The following CKAP5 variants were observed in gnomAD, a reference collection of about 807,000 sequenced individuals.
The protein encoded by CKAP5 is cytoskeleton associated protein 5.
CKAP5 carries 27 observed loss-of-function variants against 232.8 expected under a neutral mutation model. The observed-to-expected ratio is 0.12, with a 90% CI of 0.09 to 0.16. The LOEUF is 0.16. CKAP5 is among the 10% of genes least tolerant of loss of function. The probability of loss-of-function intolerance (pLI) is 1.00; values close to 1 mark genes in which losing one functional copy is unlikely to be tolerated. For synonymous variants in CKAP5, 785 were observed against 841.1 expected (o/e 0.93, Z 1.16); for missense variants, 1,838 against 2,424.7 (o/e 0.76, Z 5.08).
Position 46,788,764 on chromosome 11 carries a change from G to C in CKAP5, c.1885C>G (p.Leu629Val). ...CATGGCATTTCAGTTCGGTCCATTA[G>C]CTCAACAGCCTTGAAGTAAAATAAG... ...CMEEFQKAVE[L>V]MDRTEMPCQA... The change falls in exon 16 of 44, where the codon CTA becomes GTA. Residue 629 changes from leucine (L) to valine (V), a missense_variant. This residue lies in a region of CKAP5 where 767 missense variants were observed against 954.6 expected (regional missense o/e 0.80). Coordinates refer to ENST00000529230, the MANE Select transcript of CKAP5 (RefSeq NM_001008938.4). The C allele has an allele frequency of 6.2e-7, 1 of 1,604,708 alleles. No homozygotes were observed. Among genetic ancestry groups the C allele is most frequent in the Non-Finnish European group, 8.5e-7 (1 of 1,175,590 alleles).
chr11:46,768,900 A>G (rs1049963325), intron 26 of CKAP5, among the ~76,000 whole-genome samples: 14 of 152,064 alleles, frequency 9.2e-5, no homozygotes, highest in South Asian at 4.2e-4. Flanking sequence ...CACAGGTTAT[A>G]TATTATCAAA....
intron 1 of CKAP5, among the ~76,000 whole-genome samples, chr11:46,821,586 G>A (rs560944483): frequency 4.4e-4 from 67 of 151,962 alleles, no homozygotes; most frequent in Admixed American, 1.4e-3. Flanking sequence ...CACCACGCCC[G>A]GCTAATTTTT....
At chr11:46,760,861 T>C in intron 32 of CKAP5, 77 bp from the exon 33 acceptor site, 1 of 1,303,328 alleles carries the variant, frequency 7.7e-7, no homozygotes, top group Non-Finnish European at 1.1e-6. Flanking sequence ...AAATAGAACC[T>C]TCTATGTTAG....
chr11:46,795,588 A>G lies in CKAP5; in HGVS notation c.1650+6T>C, dbSNP rs761235531. On this transcript the variant is annotated splice_donor_region_variant and intron_variant, in intron 13 of 43. Transcript: ENST00000529230. ...ACTAACTTCTATTTTTAAATAATCT[A>G]TTAACCTTAGCAGCAGGTGCCTTTT... The G allele has an allele frequency of 2.2e-5, 35 of 1,609,096 alleles. No homozygotes were observed. Among genetic ancestry groups the G allele is most frequent in the Non-Finnish European group, 2.0e-5 (23 of 1,178,038 alleles).
At chr11:46,770,215 C>A in intron 25 of CKAP5, 117 bp from the exon 26 acceptor site, 1 of 1,038,426 alleles carries the variant, frequency 9.6e-7, no homozygotes, top group South Asian at 1.4e-5. Context: ...TGAAATACCA[C>A]TGAAGTAAGG....
chr11:46,811,964 A>G (rs746682149), intron 4 of CKAP5, among the ~76,000 whole-genome samples: 5 of 152,302 alleles, frequency 3.3e-5, no homozygotes, highest in African/African-American at 9.6e-5. Context: ...CTATCACACT[A>G]TAACTCTGGG....
intron 1 of CKAP5, among the ~76,000 whole-genome samples, chr11:46,830,835 G>T (rs1175717346): frequency 1.3e-5 from 2 of 152,096 alleles, no homozygotes; most frequent in African/African-American, 4.8e-5. Flanking sequence ...GGCCAAGGTG[G>T]GGGCGGATCA....
intron 38 of CKAP5, 117 bp downstream of exon 38, chr11:46,752,518 G>C (rs2065077356): frequency 1.5e-6 from 1 of 670,044 alleles, no homozygotes; most frequent in African/African-American, 1.9e-5. Flanking sequence ...ATATTTTCAG[G>C]TGTGACTTGG....
chr11:46,776,481 T>C, intron 23 of CKAP5, 98 bp from the exon 24 acceptor site: 1 of 908,074 alleles, frequency 1.1e-6, no homozygotes, highest in Non-Finnish European at 1.6e-6. Flanking sequence ...TGGAGGGTTA[T>C]CTAAGGCCCA....
At chr11:46,784,091 G>A (rs757712157) in intron 17 of CKAP5, among the ~76,000 whole-genome samples, 1 of 151,764 alleles carries the variant, frequency 6.6e-6, no homozygotes, top group Non-Finnish European at 1.5e-5. Context: ...TCAAAGGGCC[G>A]GGCATGGTGG....
Position 46,824,211 on chromosome 11 carries a change from A to G in CKAP5, c.-37-2943T>C, listed in dbSNP as rs1939604234. Among the ~76,000 whole-genome samples, 3 of 152,374 alleles carry G rather than the reference A, an allele frequency of 2.0e-5. No homozygotes were observed. In the South Asian group the frequency reaches 6.2e-4, roughly 32 times the overall value. On this transcript the variant is annotated intron_variant, in intron 1 of 43. Coordinates refer to ENST00000529230, the MANE Select transcript of CKAP5 (RefSeq NM_001008938.4). ...ATGTCCCAGAGAAAGATGGAATTGTAAAAGTTTATTAGGATATGTGGAACT... is the reference window on the plus strand; with the variant it reads ...ATGTCCCAGAGAAAGATGGAATTGTGAAAGTTTATTAGGATATGTGGAACT...
At chr11:46,799,084 C>T (rs564341786) in intron 9 of CKAP5, among the ~76,000 whole-genome samples, 1 of 152,280 alleles carries the variant, frequency 6.6e-6, no homozygotes, top group South Asian at 2.1e-4. Flanking sequence ...ACTGAAGCCT[C>T]GGCCTCCTGG....
chr11:46,751,512 A>G lies in CKAP5; in HGVS notation c.5156T>C (p.Leu1719Pro). 1 of 1,612,248 alleles carries G rather than the reference A, an allele frequency of 6.2e-7. No individual in the cohort carries two copies. Among genetic ancestry groups the G allele is most frequent in the Non-Finnish European group, 8.5e-7 (1 of 1,179,236 alleles). ...AATGCTATTGATGGTATCAGGCAACAGTCGAACCATTCTCCAGAGACACTA... is the reference window on the plus strand; with the variant it reads ...AATGCTATTGATGGTATCAGGCAACGGTCGAACCATTCTCCAGAGACACTA... ...VMKCLWRMVR[L>P]LPDTINSINL... Residue 1719 changes from leucine to proline, a missense_variant, in exon 39 of 44, where the codon CTG (leucine) becomes CCG (proline). Leu to Pro is a moderately conservative substitution (Grantham distance 98). Around this residue, in one of 6 missense-constraint regions of CKAP5, gnomAD observed 579 missense variants for 843.2 expected, o/e 0.69. Transcript: ENST00000529230.
chr11:46,752,221 C>T lies in CKAP5; in HGVS notation c.5133+414G>A, dbSNP rs561258120. Among the ~76,000 whole-genome samples the T allele has an allele frequency of 2.0e-3, 267 of 134,876 alleles. 4 individuals are homozygous for T. The highest frequency in any genetic ancestry group is 5.2e-3 in the African/African-American group (200 of 38,620). 88.5% of individuals were successfully genotyped at this position (134,876 alleles called of 152,430 possible). On this transcript the variant is annotated intron_variant, in intron 38 of 43. Coordinates refer to ENST00000529230, the MANE Select transcript of CKAP5 (RefSeq NM_001008938.4). The stretch of plus-strand genomic sequence containing the variant: ...ACACACACACACACACACACACACA[C>T]ACACACACACACGTGTATTATATAC...
intron 3 of CKAP5, among the ~76,000 whole-genome samples, chr11:46,817,196 C>T (rs1244709370): frequency 1.3e-5 from 2 of 152,000 alleles, no homozygotes; most frequent in Non-Finnish European, 2.9e-5. Flanking sequence ...CTCACTGTGA[C>T]CTCAAACTCC....
At chr11:46,837,366 G>A (rs1375759287) in intron 1 of CKAP5, among the ~76,000 whole-genome samples, 2 of 152,096 alleles carry the variant, frequency 1.3e-5, no homozygotes, top group Non-Finnish European at 2.9e-5. Flanking sequence ...TATGGAACTC[G>A]TTTAACTTAA....
rs554863087 is a variant in CKAP5, at chr11:46,788,440, A to G, written c.1968+241T>C. 1.1e-4 allele frequency among the ~76,000 whole-genome samples: 17 copies of G among 152,224 alleles called. No homozygotes were observed. In the East Asian group the frequency reaches 2.9e-3, roughly 26 times the overall value. On this transcript the variant is annotated intron_variant, in intron 16 of 43. Coordinates refer to ENST00000529230, the MANE Select transcript of CKAP5 (RefSeq NM_001008938.4). ...AAATACAAAATTAGCCGGGCATGGT[A>G]GCGGGTGCCTGTAATCCCAGCTACT...
At chr11:46,811,637 C>G (rs1939276958) in intron 4 of CKAP5, among the ~76,000 whole-genome samples, 1 of 152,090 alleles carries the variant, frequency 6.6e-6, no homozygotes, top group Admixed American at 6.6e-5. Context: ...CCACCACGCC[C>G]AGCAAATTTT....
At chr11:46,803,001 C>T (rs190535080) in intron 8 of CKAP5, among the ~76,000 whole-genome samples, 3 of 152,224 alleles carry the variant, frequency 2.0e-5, no homozygotes, top group South Asian at 2.1e-4. Context: ...TGGTGGTTCA[C>T]GCTTGTAACC....
Sources: gnomAD v4.1 joint callset for allele counts (sites outside exome capture counted in the v4.1 genomes callset) on GRCh38, gnomAD v4.1.1 for gene constraint, gnomAD v4.1.1 regional missense constraint, MANE v1.5 for transcripts, NCBI Gene and HGNC (gene_info 2026-07-23, HGNC 2026-07-21) for gene names.